The following CNTN3 variants were observed in gnomAD, a reference collection of about 807,000 sequenced individuals.
CNTN3 encodes contactin 3.
CNTN3 carries 60 observed loss-of-function variants against 119.1 expected under a neutral mutation model. The observed-to-expected ratio is 0.50, with a 90% CI of 0.41 to 0.62. The LOEUF (loss-of-function observed/expected upper bound fraction) is 0.62. Among genes scored for constraint, CNTN3 ranks in the 20% least tolerant of loss-of-function variants. CNTN3 has a pLI of 0.00. For synonymous variants in CNTN3, 450 were observed against 438.7 expected (o/e 1.03, Z -0.32); for missense variants, 1,101 against 1,242.4 (o/e 0.89, Z 1.71).
intron 1 of CNTN3, among the ~76,000 whole-genome samples, chr3:74,556,482 T>C (rs1704071906): frequency 6.6e-6 from 1 of 152,236 alleles, no homozygotes; most frequent in African/African-American, 2.4e-5. Context: ...AAATTTTGTT[T>C]TGTAGCTGAA....
chr3:74,360,167 A>T (rs559616435), intron 11 of CNTN3, among the ~76,000 whole-genome samples: 133 of 152,322 alleles, frequency 8.7e-4, no homozygotes, highest in African/African-American at 2.4e-3. Flanking sequence ...TTTGGGGCTA[A>T]AATCTAAAAG....
rs536124170 is a variant in CNTN3 at position 74,558,798 on chromosome 3, G to A, written c.-80-37606C>T. ...GGAGTTTGAGACTAACCTTTCCAAC[G>A]TGGTAAAACCCTATCTCTACTAAAA... On this transcript the variant is annotated intron_variant, in intron 1 of 22. Coordinates refer to ENST00000263665, the MANE Select transcript of CNTN3 (RefSeq NM_020872.3). Among the ~76,000 whole-genome samples, 6 of 151,842 alleles carry A rather than the reference G, an allele frequency of 4.0e-5. 1 individual carries two copies. The highest frequency in any genetic ancestry group is 4.2e-4 in the South Asian group (2 of 4,798).
At chr3:74,486,739 T>C (rs1702867053) in intron 3 of CNTN3, 108 bp from the exon 4 acceptor site, 2 of 882,250 alleles carry the variant, frequency 2.3e-6, no homozygotes, top group Non-Finnish European at 3.3e-6. Context: ...TAAAAAGTGA[T>C]ACATATATTA....
intron 1 of CNTN3, among the ~76,000 whole-genome samples, chr3:74,581,264 A>G (rs4677418): frequency 0.77 from 116,987 of 152,194 alleles, 47,485 homozygotes; most frequent in Non-Finnish European, 0.91. Flanking sequence ...CTTGAATGAT[A>G]CTGTGAATTA....
chr3:74,481,814 T>C (rs80041923), intron 4 of CNTN3, among the ~76,000 whole-genome samples: 1,667 of 151,770 alleles, frequency 0.011, 35 homozygotes, highest in African/African-American at 0.037. Context: ...TCTAACAAAT[T>C]ATATTTTAAA....
At chr3:74,392,053 T>TG (rs907469167) in intron 5 of CNTN3, among the ~76,000 whole-genome samples, 1 of 151,174 alleles carries the variant, frequency 6.6e-6, no homozygotes, top group African/African-American at 2.4e-5. Flanking sequence ...GGCCCTGAGA[T>TG]GGGGGAAAAA....
At chr3:74,437,383 A>G (rs1559601068) in intron 4 of CNTN3, among the ~76,000 whole-genome samples, 1 of 152,056 alleles carries the variant, frequency 6.6e-6, no homozygotes, top group South Asian at 2.1e-4. Context: ...AATGGCGTGA[A>G]TCCGGGAGGC....
intron 18 of CNTN3, 26 bp downstream of exon 18, chr3:74,297,931 C>G: frequency 1.3e-6 from 2 of 1,528,082 alleles, no homozygotes; most frequent in Non-Finnish European, 1.8e-6. Flanking sequence ...TTAGGCGGAA[C>G]TGATATACAG....
chr3:74,535,669 G>A (rs189895237), intron 1 of CNTN3, among the ~76,000 whole-genome samples: 1 of 152,224 alleles, frequency 6.6e-6, no homozygotes, highest in Non-Finnish European at 1.5e-5. Flanking sequence ...CAGCCTGATT[G>A]TGAACTGCCA....
intron 13 of CNTN3, among the ~76,000 whole-genome samples, chr3:74,317,667 C>T (rs1397520176): frequency 3.9e-5 from 6 of 152,156 alleles, no homozygotes; most frequent in African/African-American, 7.2e-5. Context: ...ATATTGGCCC[C>T]CACTATCTTC....
chr3:74,538,206 T>A (rs936058428), intron 1 of CNTN3, among the ~76,000 whole-genome samples: 5 of 152,152 alleles, frequency 3.3e-5, no homozygotes, highest in African/African-American at 1.2e-4. Context: ...ACAGTGAGGC[T>A]TTTTATATAA....
chr3:74,368,186 A>C (rs1459287789), intron 8 of CNTN3, among the ~76,000 whole-genome samples: 2 of 152,138 alleles, frequency 1.3e-5, no homozygotes, highest in African/African-American at 4.8e-5. Context: ...AACAAGTGTT[A>C]ATCGTGCCAG....
chr3:74,306,479 C>T (rs559317723), intron 13 of CNTN3, among the ~76,000 whole-genome samples: 1,872 of 152,092 alleles, frequency 0.012, 32 homozygotes, highest in African/African-American at 0.043. Flanking sequence ...CATTATTTTC[C>T]TAAACTTCCT....
intron 4 of CNTN3, among the ~76,000 whole-genome samples, chr3:74,457,674 T>G (rs1702295789): frequency 6.6e-6 from 1 of 151,994 alleles, no homozygotes; most frequent in African/African-American, 2.4e-5. Flanking sequence ...ATTAAAATAT[T>G]TTAAATTCAG....
Position 74,298,162 on chromosome 3 carries a change from T to C in CNTN3, c.2196A>G (p.Glu732=), listed in dbSNP as rs1228762022. Residue 732 remains glutamate (E), a synonymous_variant, in exon 18 of 23, where the codon GAA becomes GAG. Transcript: ENST00000263665. ...DPVPEELQNG[E]GFGYVVAFRP... is the part of the protein sequence containing the mutation. ...GGAAAGCAACAACATACCCAAAACCTTCACCATTCTGTAGTTCTTCAGGGA... is the reference window on the plus strand; with the variant it reads ...GGAAAGCAACAACATACCCAAAACCCTCACCATTCTGTAGTTCTTCAGGGA... The C allele has an allele frequency of 1.2e-6, 2 of 1,602,552 alleles. No homozygotes were observed. The highest frequency in any genetic ancestry group is 3.4e-5 in the Admixed American group (2 of 59,160).
At chr3:74,312,619 A>G (rs1702719032) in intron 13 of CNTN3, among the ~76,000 whole-genome samples, 1 of 152,024 alleles carries the variant, frequency 6.6e-6, no homozygotes, top group South Asian at 2.1e-4. Context: ...AGCACTGGTG[A>G]AGTTCACAGT....
At chr3:74,325,147 A>C (rs894944006) in intron 13 of CNTN3, among the ~76,000 whole-genome samples, 7 of 151,834 alleles carry the variant, frequency 4.6e-5, no homozygotes, top group African/African-American at 1.7e-4. Context: ...TGTAGCTGAG[A>C]GTTGTCTTGA....
At position 74,285,360 on chromosome 3, in the gene CNTN3, G is replaced by A. The variant is rs775543523; in HGVS notation, c.2649C>T (p.Asn883=). The A allele has an allele frequency of 2.3e-5, 37 of 1,613,310 alleles. No individual in the cohort carries two copies. The highest frequency in any genetic ancestry group is 3.0e-5 in the Non-Finnish European group (35 of 1,179,688). The change falls in exon 20 of 23, where the codon AAC becomes AAT. Residue 883 remains asparagine (N), a synonymous_variant. Transcript: ENST00000263665. Reference sequence around the variant, plus strand: ...CGCTAAAAGGCCCAGCGCCGGCACTGTTGTAAGCCCGGACAGCCGTGTAAT... The same window carrying A: ...CGCTAAAAGGCCCAGCGCCGGCACTATTGTAAGCCCGGACAGCCGTGTAAT... ...LAYYTAVRAY[N]SAGAGPFSAT...
At chr3:74,529,405 T>C (rs762983391) in intron 1 of CNTN3, among the ~76,000 whole-genome samples, 48 of 151,948 alleles carry the variant, frequency 3.2e-4, no homozygotes, top group Non-Finnish European at 5.9e-4. Context: ...GAAAATGTAG[T>C]GGCAACTCTA....
Sources: gnomAD v4.1 joint callset for allele counts (sites outside exome capture counted in the v4.1 genomes callset) on GRCh38, gnomAD v4.1.1 for gene constraint, MANE v1.5 for transcripts, NCBI Gene and HGNC (gene_info 2026-07-23, HGNC 2026-07-21) for gene names.